The following UBE2E2 variants were observed in gnomAD, a reference collection of about 807,000 sequenced individuals.
UBE2E2 encodes ubiquitin-conjugating enzyme E2 E2.
Under a neutral mutation model 24.7 loss-of-function variants are expected in UBE2E2, and 6 were observed. The observed-to-expected ratio is 0.24, with a 90% confidence interval of 0.13 to 0.48. The LOEUF (loss-of-function observed/expected upper bound fraction) is 0.48. Among genes scored for constraint, UBE2E2 ranks in the 20% least tolerant of loss-of-function variants. The probability of loss-of-function intolerance (pLI) is 0.99; values close to 1 mark genes in which losing one functional copy is unlikely to be tolerated. For synonymous variants in UBE2E2, 104 were observed against 83.6 expected, an observed-to-expected ratio of 1.24 and a Z score of -1.33; for missense variants, 169 against 245.0, an observed-to-expected ratio of 0.69 and a Z score of 2.07.
chr3:23,234,463 A>G (rs1195088100), intron 3 of UBE2E2, among the ~76,000 whole-genome samples: 1 of 152,218 alleles, frequency 6.6e-6, no homozygotes, highest in African/African-American at 2.4e-5. Context: ...GGTCAGCCCC[A>G]TCAGCTGGGA....
At chr3:23,244,702 G>C (rs952240212) in intron 3 of UBE2E2, among the ~76,000 whole-genome samples, 3 of 152,124 alleles carry the variant, frequency 2.0e-5, no homozygotes, top group Non-Finnish European at 4.4e-5. Context: ...GAATGAAAAT[G>C]TGTAATTTTA....
chr3:23,326,473 C>A (rs1038277985), intron 3 of UBE2E2, among the ~76,000 whole-genome samples: 1 of 152,108 alleles, frequency 6.6e-6, no homozygotes, highest in African/African-American at 2.4e-5. Flanking sequence ...GGAATTAACC[C>A]TTTGAGCAGC....
chr3:23,378,480 C>G (rs1696580599), intron 3 of UBE2E2, among the ~76,000 whole-genome samples: 1 of 152,110 alleles, frequency 6.6e-6, no homozygotes. Flanking sequence ...GCTATGTGGC[C>G]AAACCCTGTC....
At chr3:23,452,668 T>C (rs578130967) in intron 3 of UBE2E2, among the ~76,000 whole-genome samples, 111 of 152,274 alleles carry the variant, frequency 7.3e-4, no homozygotes, top group African/African-American at 2.6e-3. Context: ...TGCATAATTC[T>C]GTGTTGGTCA....
intron 3 of UBE2E2, among the ~76,000 whole-genome samples, chr3:23,359,525 C>G (rs967609264): frequency 3.9e-5 from 6 of 152,056 alleles, no homozygotes; most frequent in Admixed American, 1.3e-4. Context: ...TAACTGGTGT[C>G]TACAGATTTT....
intron 3 of UBE2E2, among the ~76,000 whole-genome samples, chr3:23,374,465 C>G (rs527914501): frequency 3.9e-5 from 6 of 152,118 alleles, no homozygotes; most frequent in Non-Finnish European, 8.8e-5. Context: ...TGCTAATATA[C>G]TATAAAATGC....
chr3:23,449,161 T>C (rs1037877671), intron 3 of UBE2E2, among the ~76,000 whole-genome samples: 1 of 152,222 alleles, frequency 6.6e-6, no homozygotes, highest in Non-Finnish European at 1.5e-5. Flanking sequence ...CCTATCACTT[T>C]CCATTGAACT....
chr3:23,203,582 G>T, intron 1 of UBE2E2, 118 bp downstream of exon 1: 3 of 590,696 alleles, frequency 5.1e-6, no homozygotes, highest in Non-Finnish European at 6.4e-6. Context: ...CACCGCTCGT[G>T]CCCTAGTTCC....
intron 3 of UBE2E2, among the ~76,000 whole-genome samples, chr3:23,249,830 G>T (rs1337475656): frequency 6.6e-6 from 1 of 151,908 alleles, no homozygotes; most frequent in South Asian, 2.1e-4. Flanking sequence ...TAATTTTTTT[G>T]TATTTTTAGT....
At chr3:23,434,035 T>A (rs940204278) in intron 3 of UBE2E2, among the ~76,000 whole-genome samples, 1 of 152,080 alleles carries the variant, frequency 6.6e-6, no homozygotes, top group Non-Finnish European at 1.5e-5. Flanking sequence ...TTTCTGGTAG[T>A]CTGCAGCTAA....
chr3:23,204,158 C>T (rs1446550822), intron 1 of UBE2E2, among the ~76,000 whole-genome samples: 1 of 151,716 alleles, frequency 6.6e-6, no homozygotes, highest in African/African-American at 2.4e-5. Flanking sequence ...CACTTCTCCC[C>T]CTCTTTTCTC....
At chr3:23,463,086 G>C (rs1698844417) in intron 3 of UBE2E2, among the ~76,000 whole-genome samples, 1 of 152,136 alleles carries the variant, frequency 6.6e-6, no homozygotes, top group Non-Finnish European at 1.5e-5. Flanking sequence ...GCTAAAAGGA[G>C]ATCAGTAAAT....
chr3:23,402,009 A>G (rs1697236251), intron 3 of UBE2E2, among the ~76,000 whole-genome samples: 2 of 151,836 alleles, frequency 1.3e-5, no homozygotes, highest in South Asian at 2.1e-4. Flanking sequence ...GGCGTGCACT[A>G]CCACGCCCGG....
chr3:23,296,787 AT>A (rs1168887564), intron 3 of UBE2E2, among the ~76,000 whole-genome samples: 1 of 152,216 alleles, frequency 6.6e-6, no homozygotes, highest in African/African-American at 2.4e-5. Flanking sequence ...ATGTGTCTTC[AT>A]AGCAGCATGA....
At chr3:23,354,643 G>A (rs919998981) in intron 3 of UBE2E2, among the ~76,000 whole-genome samples, 6 of 152,242 alleles carry the variant, frequency 3.9e-5, no homozygotes, top group Admixed American at 6.5e-5. Flanking sequence ...CACCATCACT[G>A]GCCATCAAAG....
At chr3:23,273,555 T>TGATGTACA (rs1698307237) in intron 3 of UBE2E2, among the ~76,000 whole-genome samples, 1 of 148,758 alleles carries the variant, frequency 6.7e-6, no homozygotes, top group Non-Finnish European at 1.5e-5. Flanking sequence ...GAGAGAGAAA[T>TGATGTACA]GATGTACAGC....
At chr3:23,375,201 T>G (rs1168248882) in intron 3 of UBE2E2, among the ~76,000 whole-genome samples, 1 of 152,210 alleles carries the variant, frequency 6.6e-6, no homozygotes, top group African/African-American at 2.4e-5. Context: ...TTGCTCTTTG[T>G]GTACTCTCCT....
chr3:23,256,260 T>C (rs1286030365), intron 3 of UBE2E2, among the ~76,000 whole-genome samples: 1 of 152,244 alleles, frequency 6.6e-6, no homozygotes, highest in Non-Finnish European at 1.5e-5. Flanking sequence ...ATTGTATTTA[T>C]AGTCTCATCA....
intron 3 of UBE2E2, among the ~76,000 whole-genome samples, chr3:23,383,581 G>T (rs1257593445): frequency 6.6e-6 from 1 of 151,804 alleles, no homozygotes; most frequent in Non-Finnish European, 1.5e-5. Context: ...GGCATCTGTC[G>T]GCCACTCTGT....
Sources: gnomAD v4.1 joint callset for allele counts (sites outside exome capture counted in the v4.1 genomes callset) on GRCh38, gnomAD v4.1.1 for gene constraint, MANE v1.5 for transcripts, NCBI Gene and HGNC (gene_info 2026-07-23, HGNC 2026-07-21) for gene names.